The following KANK1 variants were observed in gnomAD, a reference collection of about 807,000 sequenced individuals.
KANK1 encodes KN motif and ankyrin repeat domains 1.
KANK1 carries 109 observed loss-of-function variants against 106.2 expected under a neutral mutation model. The observed-to-expected ratio is 1.03, with a 90% CI of 0.88 to 1.20. KANK1 has a LOEUF of 1.20. KANK1 is among the 50% of genes most tolerant of loss of function. KANK1 has a pLI of 0.00. For synonymous variants in KANK1, 873 were observed against 652.2 expected (o/e 1.34, Z -5.16); for missense variants, 2,399 against 1,710.7 (o/e 1.40, Z -7.10).
At chr9:615,823 A>G (rs1271118687) in intron 1 of KANK1, among the ~76,000 whole-genome samples, 1 of 152,226 alleles carries the variant, frequency 6.6e-6, no homozygotes, top group Non-Finnish European at 1.5e-5. Flanking sequence ...CTAAAGACCC[A>G]TGAGGAATGA....
chr9:595,514 TTTTTTTC>T lies in KANK1; in HGVS notation c.-83-81357_-83-81351del, dbSNP rs971137382. Among the ~76,000 whole-genome samples, 18 of 151,896 alleles carry T rather than the reference TTTTTTTC, an allele frequency of 1.2e-4. No homozygotes were observed. In the South Asian group the frequency reaches 1.5e-3, roughly 12 times the overall value. On this transcript the variant is annotated intron_variant, in intron 1 of 11. Coordinates refer to ENST00000382297, the MANE Select transcript of KANK1 (RefSeq NM_015158.5). ...GCTTTTGGACAGTTATACATAAGAA[TTTTTTTC>T]TTTTTTCTTTTTTCTTTTGTTTGAG...
chr9:701,726 A>T (rs56369070), intron 2 of KANK1, among the ~76,000 whole-genome samples: 25,368 of 152,136 alleles, frequency 0.17, 2,380 homozygotes, highest in Middle Eastern at 0.22. Context: ...TCCAGTTGAG[A>T]ATCACTGCAA....
chr9:548,119 A>G (rs1026947045), intron 1 of KANK1, among the ~76,000 whole-genome samples: 4 of 152,186 alleles, frequency 2.6e-5, no homozygotes, highest in Admixed American at 1.3e-4. Flanking sequence ...CTTTTATTAC[A>G]TTAGTACTAA....
chr9:655,296 G>A (rs932726112), intron 1 of KANK1, among the ~76,000 whole-genome samples: 2 of 151,348 alleles, frequency 1.3e-5, no homozygotes, highest in South Asian at 2.1e-4. Flanking sequence ...GCTTGAACCC[G>A]GGAGGCAGAG....
At chr9:507,039 C>G (rs2058790422) in intron 1 of KANK1, among the ~76,000 whole-genome samples, 1 of 152,120 alleles carries the variant, frequency 6.6e-6, no homozygotes, top group African/African-American at 2.4e-5. Context: ...ACATCCACTA[C>G]ACTTCTCACT....
At chr9:587,448 G>A (rs1039921382) in intron 1 of KANK1, among the ~76,000 whole-genome samples, 1 of 152,056 alleles carries the variant, frequency 6.6e-6, no homozygotes, top group Non-Finnish European at 1.5e-5. Context: ...TACATCAAAA[G>A]GAGTATTAAG....
At chr9:598,925 C>A (rs1363140066) in intron 1 of KANK1, among the ~76,000 whole-genome samples, 2 of 149,878 alleles carry the variant, frequency 1.3e-5, no homozygotes, top group East Asian at 3.9e-4. Context: ...AGCCACCATG[C>A]CCGGCCATCC....
intron 2 of KANK1, among the ~76,000 whole-genome samples, chr9:683,076 T>A (rs1377331299): frequency 6.6e-6 from 1 of 152,182 alleles, no homozygotes; most frequent in African/African-American, 2.4e-5. Flanking sequence ...TGAGATCATC[T>A]GTAAGGAAAC....
At chr9:595,932 A>G (rs1435791687) in intron 1 of KANK1, among the ~76,000 whole-genome samples, 1 of 151,874 alleles carries the variant, frequency 6.6e-6, no homozygotes, top group Non-Finnish European at 1.5e-5. Flanking sequence ...AACGCTTGGG[A>G]CTAGAAGTAT....
At chr9:687,913 G>A (rs996237896) in intron 2 of KANK1, among the ~76,000 whole-genome samples, 10 of 152,076 alleles carry the variant, frequency 6.6e-5, no homozygotes, top group East Asian at 1.9e-4. Flanking sequence ...CATCTTCTTC[G>A]TATGCCCAAC....
At chr9:621,690 G>A (rs1386218176) in intron 1 of KANK1, among the ~76,000 whole-genome samples, 1 of 151,858 alleles carries the variant, frequency 6.6e-6, no homozygotes. Context: ...TTCGCTCTCA[G>A]CAAGAGCATG....
intron 1 of KANK1, among the ~76,000 whole-genome samples, chr9:654,819 G>C (rs1841749124): frequency 8.2e-5 from 1 of 12,228 alleles, no homozygotes; most frequent in African/African-American, 3.8e-4. Flanking sequence ...GTGTGTGAGA[G>C]AGAGAGAGAG....
chr9:493,110 C>T (rs2058404471), intron 3 of KANK1, among the ~76,000 whole-genome samples: 1 of 151,358 alleles, frequency 6.6e-6, no homozygotes, highest in African/African-American at 2.4e-5. Context: ...CATCCTTGTA[C>T]AGTCCCTTCC....
intron 1 of KANK1, among the ~76,000 whole-genome samples, chr9:547,910 A>G (rs1206739741): frequency 1.3e-5 from 2 of 152,330 alleles, no homozygotes; most frequent in Non-Finnish European, 2.9e-5. Context: ...GCAGTCTTTC[A>G]TCATGTAATT....
intron 1 of KANK1, among the ~76,000 whole-genome samples, chr9:624,636 C>G (rs1376687382): frequency 6.6e-6 from 1 of 151,986 alleles, no homozygotes; most frequent in Non-Finnish European, 1.5e-5. Context: ...AACCCCATCT[C>G]TACTAAAAAT....
intron 1 of KANK1, among the ~76,000 whole-genome samples, chr9:640,689 G>A (rs1311134011): frequency 6.7e-6 from 1 of 150,240 alleles, no homozygotes; most frequent in Admixed American, 6.6e-5. Context: ...GAGCCACCAC[G>A]CCCGGCCTAA....
intron 7 of KANK1, among the ~76,000 whole-genome samples, chr9:736,266 C>T (rs914510925): frequency 5.3e-5 from 8 of 152,092 alleles, no homozygotes; most frequent in African/African-American, 1.4e-4. Flanking sequence ...GCCTCAAAAA[C>T]TTAACACAAT....
At chr9:597,518 T>G (rs910631277) in intron 1 of KANK1, among the ~76,000 whole-genome samples, 2 of 151,840 alleles carry the variant, frequency 1.3e-5, no homozygotes, top group Non-Finnish European at 2.9e-5. Flanking sequence ...TTTGGAGACA[T>G]GTCTGTTGAA....
chr9:573,016 T>C (rs1253095456), intron 1 of KANK1, among the ~76,000 whole-genome samples: 2 of 152,170 alleles, frequency 1.3e-5, no homozygotes, highest in African/African-American at 2.4e-5. Flanking sequence ...TCTGGCATGC[T>C]TTGTGAGAAA....
Sources: allele counts gnomAD v4.1 joint callset (sites outside exome capture counted in the v4.1 genomes callset), GRCh38; gene constraint gnomAD v4.1.1; transcripts MANE v1.5; gene names NCBI Gene and HGNC (gene_info 2026-07-23, HGNC 2026-07-21).